TENM2: variants seen among roughly 807,000 people sequenced by gnomAD.
The protein encoded by TENM2 is teneurin transmembrane protein 2.
In TENM2, 52 loss-of-function variants were observed where a neutral mutation model predicts 245.2. That is an observed-to-expected ratio of 0.21 (90% CI 0.17 to 0.27). The LOEUF (loss-of-function observed/expected upper bound fraction) is 0.27, where lower values mean the gene tolerates loss of function less well. Among genes scored for constraint, TENM2 ranks in the 10% least tolerant of loss-of-function variants. TENM2 has a pLI of 1.00. For missense variants in TENM2, 3,046 were observed against 3,666.8 expected (o/e 0.83, Z 4.37); for synonymous variants, 1,363 against 1,438.9 (o/e 0.95, Z 1.19).
rs1294044689 is a variant in TENM2 at position 168,247,793 on chromosome 5, T to G, written c.6854T>G (p.Leu2285Arg). 1.2e-6 allele frequency: 2 copies of G among 1,613,902 alleles called. No individual in the cohort carries two copies. Among genetic ancestry groups the G allele is most frequent in the Non-Finnish European group, 1.7e-6 (2 of 1,179,876 alleles). Reference sequence around the variant, plus strand: ...ATCTTCGAATACAATTCCAAGGGCCTCCTAACAAGAGCCTACAACAAGGCC... The same window carrying G: ...ATCTTCGAATACAATTCCAAGGGCCGCCTAACAAGAGCCTACAACAAGGCC... The change falls in exon 27 of 29, where the codon CTC (leucine) becomes CGC (arginine). Residue 2285 changes from leucine to arginine, a missense_variant. Transcript: ENST00000518659. This position sits in a 1 kb window ranked among gnomAD's most constrained non-coding sequence, Gnocchi z 7.8.
chr5:167,602,193 C>A (rs1471769849), intron 2 of TENM2, among the ~76,000 whole-genome samples: 1 of 152,118 alleles, frequency 6.6e-6, no homozygotes, highest in Non-Finnish European at 1.5e-5. Context: ...AATAATAGAG[C>A]GTTTTCAGAC....
chr5:168,097,511 G>A (rs1479872131), intron 8 of TENM2, among the ~76,000 whole-genome samples: 1 of 152,134 alleles, frequency 6.6e-6, no homozygotes, highest in Non-Finnish European at 1.5e-5. Flanking sequence ...TGCAACCTCT[G>A]CCTCCTGGGT....
At chr5:167,236,003 T>C in the TENM2 span, among the ~76,000 whole-genome samples, 1 of 152,292 alleles carries the variant, frequency 6.6e-6, no homozygotes, top group African/African-American at 2.4e-5. Context: ...ATATTCACTC[T>C]ACCAACCTTC....
the TENM2 span, among the ~76,000 whole-genome samples, chr5:167,173,021 CTG>C: frequency 6.6e-6 from 1 of 152,276 alleles, no homozygotes; most frequent in African/African-American, 2.4e-5. Context: ...TACCCAAACT[CTG>C]TATACAAAAG....
chr5:167,071,878 G>GGCCCCCCCCC, the TENM2 span, among the ~76,000 whole-genome samples: 6 of 124,024 alleles, frequency 4.8e-5, no homozygotes, highest in Non-Finnish European at 5.1e-5. Flanking sequence ...TTGACAAATC[G>GGCCCCCCCCC]CCCCCCCCCG....
chr5:168,216,993 T>G, intron 22 of TENM2, 71 bp downstream of exon 24: 1 of 1,560,124 alleles, frequency 6.4e-7, no homozygotes, highest in Non-Finnish European at 8.7e-7. Flanking sequence ...ACCTGTTTCC[T>G]GTTTGGTTTG....
chr5:167,505,364 G>A (rs1253817623), intron 2 of TENM2, among the ~76,000 whole-genome samples: 23 of 152,032 alleles, frequency 1.5e-4, no homozygotes, highest in Non-Finnish European at 1.5e-5. Flanking sequence ...ATTTTTTGAG[G>A]CTTCACACAA....
intron 13 of TENM2, among the ~76,000 whole-genome samples, chr5:168,169,229 C>A (rs936561375): frequency 6.6e-6 from 1 of 152,172 alleles, no homozygotes; most frequent in Non-Finnish European, 1.5e-5. Context: ...GCCACAAATC[C>A]GTGTGATCAG....
intron 11 of TENM2, among the ~76,000 whole-genome samples, chr5:168,126,148 A>G (rs1335939490): frequency 1.3e-5 from 2 of 152,200 alleles, no homozygotes; most frequent in East Asian, 3.9e-4. Context: ...ATGCAGCACA[A>G]TTACAGCGGT....
chr5:167,087,425 C>T, the TENM2 span, among the ~76,000 whole-genome samples: 1 of 152,168 alleles, frequency 6.6e-6, no homozygotes, highest in African/African-American at 2.4e-5. Context: ...TCTGGTTACT[C>T]TTAAATCAAC....
chr5:167,134,584 A>G, the TENM2 span, among the ~76,000 whole-genome samples: 6,858 of 152,288 alleles, frequency 0.045, 209 homozygotes, highest in Non-Finnish European at 0.063. Context: ...AATGCCTGGC[A>G]AAGTGGAATT....
At chr5:168,219,129 G>T in intron 23 of TENM2, 130 bp downstream of exon 25, 1 of 890,652 alleles carries the variant, frequency 1.1e-6, no homozygotes, top group Non-Finnish European at 1.7e-6. Flanking sequence ...ATGTCTTATG[G>T]CCTCAAGACA....
At chr5:168,164,805 A>G (rs1198965717) in intron 13 of TENM2, among the ~76,000 whole-genome samples, 1 of 152,200 alleles carries the variant, frequency 6.6e-6, no homozygotes, top group Non-Finnish European at 1.5e-5. Flanking sequence ...GAGTGTAGGA[A>G]GATCCATGAG....
intron 7 of TENM2, among the ~76,000 whole-genome samples, chr5:168,067,530 G>A (rs1790613801): frequency 6.6e-6 from 1 of 152,194 alleles, no homozygotes. Context: ...TATAGATGGT[G>A]ATTAGTGGTA....
chr5:167,308,752 G>A (rs111950601), intron 1 of TENM2, among the ~76,000 whole-genome samples: 5 of 152,160 alleles, frequency 3.3e-5, no homozygotes, highest in Non-Finnish European at 5.9e-5. Flanking sequence ...GGCTCTGCTC[G>A]TGGTGTTCTC....
intron 1 of TENM2, among the ~76,000 whole-genome samples, chr5:167,333,962 A>T (rs1561870272): frequency 6.6e-6 from 1 of 152,210 alleles, no homozygotes. Flanking sequence ...CCTACATCAG[A>T]TTATGAGTTG....
chr5:167,294,042 C>T (rs1754810587), intron 1 of TENM2, among the ~76,000 whole-genome samples: 1 of 151,634 alleles, frequency 6.6e-6, no homozygotes, highest in African/African-American at 2.4e-5. Flanking sequence ...CCAATGGTAA[C>T]TTTATTTGCA....
the TENM2 span, among the ~76,000 whole-genome samples, chr5:167,155,088 A>C: frequency 6.6e-6 from 1 of 152,210 alleles, no homozygotes; most frequent in East Asian, 1.9e-4. Flanking sequence ...TTCGTTGTGT[A>C]ATGGGGCAAG....
intron 1 of TENM2, among the ~76,000 whole-genome samples, chr5:167,329,168 T>G (rs1293140403): frequency 1.1e-4 from 17 of 152,144 alleles, no homozygotes; most frequent in Admixed American, 1.1e-3. Context: ...GAATTGGGAC[T>G]GGTTGGAAGA....
Sources: gnomAD v4.1 joint callset for allele counts (sites outside exome capture counted in the v4.1 genomes callset) on GRCh38, gnomAD v4.1.1 for gene constraint, Gnocchi (gnomAD v3.1) non-coding constraint, MANE v1.5 for transcripts, NCBI Gene and HGNC (gene_info 2026-07-23, HGNC 2026-07-21) for gene names.